The following BATF variants were observed in gnomAD, a reference collection of about 807,000 sequenced individuals.
BATF encodes the protein basic leucine zipper transcriptional factor ATF-like.
BATF carries 5 observed loss-of-function variants against 13.7 expected under a neutral mutation model. That is an observed-to-expected ratio of 0.36 (90% CI 0.19 to 0.77). BATF has a LOEUF of 0.77. Ranked by LOEUF, BATF falls within the 30% of genes least tolerant of loss-of-function variation. BATF has a pLI of 0.51. For synonymous variants in BATF, 72 were observed against 67.5 expected, an observed-to-expected ratio of 1.07 and a Z score of -0.33; for missense variants, 124 against 163.0, an observed-to-expected ratio of 0.76 and a Z score of 1.30.
At chr14:75,546,225 A>T (rs1887983245) in intron 2 of BATF, among the ~76,000 whole-genome samples, 1 of 152,180 alleles carries the variant, frequency 6.6e-6, no homozygotes, top group African/African-American at 2.4e-5. Context: ...GTTCAGCCTC[A>T]TATCTATGTG....
intron 2 of BATF, among the ~76,000 whole-genome samples, chr14:75,534,228 T>C (rs1054871395): frequency 6.6e-6 from 1 of 152,158 alleles, no homozygotes; most frequent in Non-Finnish European, 1.5e-5. Flanking sequence ...AGAAAGAAAC[T>C]CTTATAAAGC....
intron 2 of BATF, among the ~76,000 whole-genome samples, chr14:75,542,151 G>A (rs920619432): frequency 6.6e-6 from 1 of 152,232 alleles, no homozygotes; most frequent in Non-Finnish European, 1.5e-5. Context: ...GTGCCTTGAG[G>A]TGAATCCTAT....
chr14:75,539,600 C>T (rs1403594492), intron 2 of BATF, among the ~76,000 whole-genome samples: 5 of 151,976 alleles, frequency 3.3e-5, no homozygotes, highest in Admixed American at 6.6e-5. Flanking sequence ...AGCCTTTTCA[C>T]CCTGTGACTA....
chr14:75,540,674 C>T (rs1887883044), intron 2 of BATF, among the ~76,000 whole-genome samples: 1 of 152,196 alleles, frequency 6.6e-6, no homozygotes, highest in South Asian at 2.1e-4. Flanking sequence ...CTCTGTTTTT[C>T]CTCTTCTGTA....
intron 1 of BATF, 86 bp downstream of exon 1, chr14:75,522,831 G>T (rs1293680850): frequency 6.5e-7 from 1 of 1,549,510 alleles, no homozygotes; most frequent in Non-Finnish European, 8.9e-7. Context: ...TGCCCAGGGA[G>T]CTGAGGATGG....
At chr14:75,523,768 A>T (rs1022541931) in intron 1 of BATF, among the ~76,000 whole-genome samples, 1 of 152,220 alleles carries the variant, frequency 6.6e-6, no homozygotes, top group South Asian at 2.1e-4. Context: ...GTATATAAAT[A>T]TTGAACAGGG....
At position 75,534,835 on chromosome 14, in the gene BATF, CATTTCATTCCTAGGA is replaced by C. The variant is rs928302226; in HGVS notation, c.168+9653_168+9667del. On this transcript the variant is annotated intron_variant, in intron 2 of 2. Transcript: ENST00000286639. ...GATTGAATGCCTCCTTTGCCTCATT[CATTTCATTCCTAGGA>C]ATTTCTCCAAGGAAATCACTGAACA... Among the ~76,000 whole-genome samples, 42 of 152,190 alleles carry C rather than the reference CATTTCATTCCTAGGA, an allele frequency of 2.8e-4. 1 individual carries two copies. The highest frequency in any genetic ancestry group is 1.2e-4 in the Non-Finnish European group (8 of 68,042).
At chr14:75,532,095 A>G (rs1205173046) in intron 2 of BATF, among the ~76,000 whole-genome samples, 1 of 152,250 alleles carries the variant, frequency 6.6e-6, no homozygotes, top group Non-Finnish European at 1.5e-5. Context: ...TTTAATCTGC[A>G]TAAAAGCTGT....
intron 2 of BATF, among the ~76,000 whole-genome samples, chr14:75,534,342 T>A (rs1175661242): frequency 6.6e-6 from 1 of 152,198 alleles, no homozygotes; most frequent in African/African-American, 2.4e-5. Flanking sequence ...CCTATTCTGA[T>A]TATGAAAACG....
At chr14:75,544,451 G>A (rs1015185289) in intron 2 of BATF, among the ~76,000 whole-genome samples, 1 of 149,252 alleles carries the variant, frequency 6.7e-6, no homozygotes, top group Admixed American at 6.8e-5. Flanking sequence ...TGTAATCCCA[G>A]CAACTCGGGA....
Position 75,522,555 on chromosome 14 carries a change from GGC to G in BATF, c.-127_-126del. The G allele has an allele frequency of 2.0e-6, 2 of 990,220 alleles. No individual in the cohort carries two copies. Among genetic ancestry groups the G allele is most frequent in the Non-Finnish European group, 3.1e-6 (2 of 639,554 alleles). The allele number at this position is 990,220 out of a possible 1,614,324, so 61.3% of individuals were successfully genotyped here. A position where few individuals can be genotyped will look rare whatever the true frequency, so the allele number is the denominator to read the frequency against. On this transcript the variant is annotated 5_prime_UTR_variant, in exon 1 of 3. An upstream open reading frame in the 5' UTR loses its in-frame stop. Coordinates refer to ENST00000286639, the MANE Select transcript of BATF (RefSeq NM_006399.5). Reference sequence around the variant, plus strand: ...AGGGGTCAGAGGTGGCTACAGGGCAGGCAGAGGAGGCACCTGTAGGGGGTGGT... The same window carrying G: ...AGGGGTCAGAGGTGGCTACAGGGCAGAGAGGAGGCACCTGTAGGGGGTGGT...
intron 2 of BATF, among the ~76,000 whole-genome samples, chr14:75,542,826 A>G (rs538596603): frequency 6.6e-6 from 1 of 152,348 alleles, no homozygotes; most frequent in East Asian, 1.9e-4. Flanking sequence ...AACTTTGCCT[A>G]GAGCTCTGGG....
chr14:75,531,993 C>T (rs1412770214), intron 2 of BATF, among the ~76,000 whole-genome samples: 1 of 152,134 alleles, frequency 6.6e-6, no homozygotes, highest in Non-Finnish European at 1.5e-5. Flanking sequence ...GTCTCCATTG[C>T]TATGAATTTC....
intron 2 of BATF, among the ~76,000 whole-genome samples, chr14:75,540,278 A>G (rs1195982098): frequency 1.3e-5 from 2 of 152,080 alleles, no homozygotes; most frequent in Non-Finnish European, 2.9e-5. Context: ...GGGATTCCCC[A>G]TCGTTGAAGC....
chr14:75,531,284 T>C (rs900374412), intron 2 of BATF, among the ~76,000 whole-genome samples: 44 of 152,318 alleles, frequency 2.9e-4, no homozygotes, highest in African/African-American at 8.7e-4. Flanking sequence ...TCTTGGTTGG[T>C]TGGTCATGGC....
At chr14:75,536,938 A>G (rs928966616) in intron 2 of BATF, among the ~76,000 whole-genome samples, 6 of 151,580 alleles carry the variant, frequency 4.0e-5, no homozygotes, top group African/African-American at 1.4e-4. Flanking sequence ...AGAACAAAGC[A>G]ATATTGTCAT....
At chr14:75,540,038 T>C (rs1360866051) in intron 2 of BATF, among the ~76,000 whole-genome samples, 4 of 152,156 alleles carry the variant, frequency 2.6e-5, no homozygotes, top group Non-Finnish European at 4.4e-5. Flanking sequence ...CAATACATGA[T>C]TACATGTCCT....
chr14:75,531,072 T>G (rs1887724068), intron 2 of BATF, among the ~76,000 whole-genome samples: 1 of 152,328 alleles, frequency 6.6e-6, no homozygotes, highest in South Asian at 2.1e-4. Context: ...TAGGAGGATT[T>G]CTTTTCTAAT....
chr14:75,533,129 A>G (rs1887763185), intron 2 of BATF, among the ~76,000 whole-genome samples: 1 of 152,126 alleles, frequency 6.6e-6, no homozygotes, highest in African/African-American at 2.4e-5. Flanking sequence ...TGGGAGGCAT[A>G]TTGGAAATTG....
Sources: gnomAD v4.1 joint callset for allele counts (sites outside exome capture counted in the v4.1 genomes callset) on GRCh38, gnomAD v4.1.1 for gene constraint, MANE v1.5 for transcripts, NCBI Gene and HGNC (gene_info 2026-07-23, HGNC 2026-07-21) for gene names.